Variants in MAP3K9 observed in about 807,000 individuals in gnomAD.
MAP3K9 encodes the protein mixed lineage kinase 1 (tyr and ser/thr specificity).
Under a neutral mutation model 95.8 loss-of-function variants are expected in MAP3K9, and 46 were observed. The observed-to-expected ratio is 0.48, with a 90% CI of 0.38 to 0.61. The LOEUF (loss-of-function observed/expected upper bound fraction) is 0.61, where lower values mean the gene tolerates loss of function less well. Among genes scored for constraint, MAP3K9 ranks in the 20% least tolerant of loss-of-function variants. The pLI is 0.00. For missense variants in MAP3K9, 1,296 were observed against 1,474.3 expected (o/e 0.88, Z 1.98); for synonymous variants, 533 against 593.8 (o/e 0.90, Z 1.49).
At chr14:70,799,541 G>A (rs1308219613) in intron 2 of MAP3K9, among the ~76,000 whole-genome samples, 3 of 151,800 alleles carry the variant, frequency 2.0e-5, no homozygotes, top group Non-Finnish European at 2.9e-5. Flanking sequence ...GGGTTTCACC[G>A]TGTTAGCCAG....
chr14:70,801,213 G>T, intron 1 of MAP3K9, 133 bp from the exon 2 acceptor site: 2 of 803,118 alleles, frequency 2.5e-6, no homozygotes, highest in Non-Finnish European at 3.8e-6. Context: ...CCATTATAAA[G>T]CAAATTCCAT....
chr14:70,730,286 A>C lies in MAP3K9; in HGVS notation c.*94T>G. On this transcript the variant is annotated 3_prime_UTR_variant, in exon 12 of 12. Coordinates refer to ENST00000554752, the MANE Select transcript of MAP3K9 (RefSeq NM_001284230.2). ...TTATCAGTGCAAGAAGTAGGGCTGGATCTCAGGGGGTCCAACCCTGAGAAA... is the reference window on the plus strand; with the variant it reads ...TTATCAGTGCAAGAAGTAGGGCTGGCTCTCAGGGGGTCCAACCCTGAGAAA... 1 of 1,496,634 alleles carries C rather than the reference A, an allele frequency of 6.7e-7. No individual in the cohort carries two copies. Among genetic ancestry groups the C allele is most frequent in the Non-Finnish European group, 9.0e-7 (1 of 1,113,460 alleles). The allele number at this position is 1,496,634 out of a possible 1,614,324, so 92.7% of individuals were successfully genotyped here. A position where few individuals can be genotyped will look rare whatever the true frequency, so the allele number is the denominator to read the frequency against.
intron 11 of MAP3K9, 31 bp from the exon 12 acceptor site, chr14:70,730,895 G>A (rs1314506333): frequency 6.4e-7 from 1 of 1,574,594 alleles, no homozygotes; most frequent in Admixed American, 1.7e-5. Flanking sequence ...AGAAGCATCA[G>A]ATGAGGCACC....
Position 70,785,742 on chromosome 14 carries a change from G to C in MAP3K9, c.820+14925C>G, listed in dbSNP as rs144834287. On this transcript the variant is annotated intron_variant, in intron 2 of 11. Coordinates refer to ENST00000554752, the MANE Select transcript of MAP3K9 (RefSeq NM_001284230.2). ...AGACCATGTGGATGACTAATGGGCA[G>C]GTAGTACACCCAGTGTGGACATGCT... Among the ~76,000 whole-genome samples the C allele has an allele frequency of 9.2e-4, 140 of 152,286 alleles. 4 individuals carry two copies. The East Asian group carries it at 0.023, about 25-fold the overall frequency.
At chr14:70,794,990 CTT>C (rs572010694) in intron 2 of MAP3K9, among the ~76,000 whole-genome samples, 7 of 76,810 alleles carry the variant, frequency 9.1e-5, no homozygotes, top group East Asian at 3.9e-4. Flanking sequence ...TTTTCTTTTC[CTT>C]TTTTTTTTTT....
At chr14:70,783,691 C>T (rs1394980080) in intron 2 of MAP3K9, among the ~76,000 whole-genome samples, 1 of 152,182 alleles carries the variant, frequency 6.6e-6, no homozygotes, top group African/African-American at 2.4e-5. Flanking sequence ...AAGTGGGCAC[C>T]ACAAAGCATG....
intron 7 of MAP3K9, among the ~76,000 whole-genome samples, chr14:70,739,033 G>A (rs1051398011): frequency 6.6e-6 from 1 of 152,210 alleles, no homozygotes; most frequent in African/African-American, 2.4e-5. Context: ...GGCAAAATAT[G>A]GAGTATACGG....
rs745952959 is a variant in MAP3K9, at chr14:70,733,192, G to A, written c.2177C>T (p.Ser726Leu). 1.2e-5 allele frequency: 20 copies of A among 1,610,606 alleles called. No individual in the cohort carries two copies. The highest frequency in any genetic ancestry group is 6.7e-5 in the East Asian group (3 of 44,740). ...CGTCAGCTGAGGGGTACTCGTGGCC[G>A]AGTTGACTGGGGTGGGCTCCTCATG... is the stretch of plus-strand genomic sequence containing the variant. Reference protein sequence around the residue: ...GIHEEPTPVNSATSTPQLTPT... With the variant: ...GIHEEPTPVNLATSTPQLTPT... The change falls in exon 11 of 12, where the codon TCG (serine) becomes TTG (leucine). Residue 726 changes from serine to leucine, a missense_variant. This residue lies in a region of MAP3K9 where 377 missense variants were observed against 417.1 expected (regional missense o/e 0.90). Coordinates refer to ENST00000554752, the MANE Select transcript of MAP3K9 (RefSeq NM_001284230.2).
intron 9 of MAP3K9, 73 bp from the exon 10 acceptor site, chr14:70,734,571 A>G: frequency 1.2e-6 from 1 of 825,656 alleles, no homozygotes; most frequent in Non-Finnish European, 2.0e-6. Context: ...CCATGGGTCT[A>G]TGGAGACGTT....
chr14:70,798,480 T>G (rs889577405), intron 2 of MAP3K9, among the ~76,000 whole-genome samples: 1 of 128,544 alleles, frequency 7.8e-6, no homozygotes, highest in Non-Finnish European at 1.7e-5. Context: ...AGTTTTTTTT[T>G]TTTTTTTTTT....
intron 4 of MAP3K9, chr14:70,749,695 G>A (rs946669523): frequency 1.5e-5 from 7 of 471,698 alleles, no homozygotes; most frequent in East Asian, 6.5e-5. Flanking sequence ...CTGAAGTGCC[G>A]GATAGCAGGC....
chr14:70,782,327 T>C (rs1036985490), intron 2 of MAP3K9, among the ~76,000 whole-genome samples: 1 of 152,128 alleles, frequency 6.6e-6, no homozygotes, highest in Admixed American at 6.5e-5. Flanking sequence ...ATTTGGGTAA[T>C]AAAATTACCC....
At chr14:70,740,767 A>G (rs1454486180) in intron 6 of MAP3K9, among the ~76,000 whole-genome samples, 1 of 152,256 alleles carries the variant, frequency 6.6e-6, no homozygotes, top group African/African-American at 2.4e-5. Flanking sequence ...TCTATCAAAG[A>G]GGTAAAATAA....
intron 3 of MAP3K9, among the ~76,000 whole-genome samples, chr14:70,754,497 A>C (rs1358926846): frequency 6.6e-6 from 1 of 152,094 alleles, no homozygotes; most frequent in African/African-American, 2.4e-5. Flanking sequence ...TTTGAGACAG[A>C]GTCTTGCTCT....
At chr14:70,782,824 C>T (rs1339281789) in intron 2 of MAP3K9, among the ~76,000 whole-genome samples, 1 of 152,166 alleles carries the variant, frequency 6.6e-6, no homozygotes, top group Non-Finnish European at 1.5e-5. Flanking sequence ...ATCCTGTTCC[C>T]CATGAGACAG....
In MAP3K9 at chr14:70,809,381, C is replaced by G. The variant is rs967622145; in HGVS notation, c.-210G>C. The G allele has an allele frequency of 1.8e-4, 100 of 551,500 alleles. No homozygotes were observed. Among genetic ancestry groups the G allele is most frequent in the Admixed American group, 5.4e-4 (12 of 22,410 alleles). The allele number at this position is 551,500 out of a possible 1,614,324, so 34.2% of individuals were successfully genotyped here. On this transcript the variant is annotated 5_prime_UTR_variant, in exon 1 of 12. Coordinates refer to ENST00000554752, the MANE Select transcript of MAP3K9 (RefSeq NM_001284230.2). The stretch of plus-strand genomic sequence containing the variant: ...GCCGAGCGCGAGCTCTTCGCGCAGC[C>G]TAGGGGCGCAGCGGGCCGAGTCCCC...
In MAP3K9 at chr14:70,809,041, C is replaced by CCCA. The variant is rs776530722; in HGVS notation, c.128_130dup (p.Val43dup). The stretch of plus-strand genomic sequence containing the variant: ...CGCGTCGCAGCCCAGCTCCCCGGGG[C>CCCA]CCACCGCCGCCGCCGCCTCCTCCTC... On this transcript the variant is annotated inframe_insertion, in exon 1 of 12. Coordinates refer to ENST00000554752, the MANE Select transcript of MAP3K9 (RefSeq NM_001284230.2). 1.4e-5 allele frequency: 20 copies of CCCA among 1,465,898 alleles called. No homozygotes were observed. The East Asian group carries it at 4.4e-4, about 32-fold the overall frequency. 90.8% of individuals were successfully genotyped at this position (1,465,898 alleles called of 1,614,324 possible). A position where few individuals can be genotyped will look rare whatever the true frequency, so the allele number is the denominator to read the frequency against.
intron 1 of MAP3K9, among the ~76,000 whole-genome samples, chr14:70,802,523 G>C (rs1175869461): frequency 6.6e-6 from 1 of 152,180 alleles, no homozygotes; most frequent in African/African-American, 2.4e-5. Context: ...AGCAAAGTGT[G>C]TTTTGTTTCT....
chr14:70,802,883 T>C (rs2054945998), intron 1 of MAP3K9, among the ~76,000 whole-genome samples: 1 of 152,074 alleles, frequency 6.6e-6, no homozygotes, highest in South Asian at 2.1e-4. Context: ...CTACTTGATA[T>C]GGTTTGGATA....
Sources: allele counts gnomAD v4.1 joint callset (sites outside exome capture counted in the v4.1 genomes callset), GRCh38; gene constraint gnomAD v4.1.1; regional missense constraint gnomAD v4.1.1; transcripts MANE v1.5; gene names NCBI Gene and HGNC (gene_info 2026-07-23, HGNC 2026-07-21).